The following PSTPIP2 variants were observed in gnomAD, a reference collection of about 807,000 sequenced individuals.
PSTPIP2 encodes the protein proline-serine-threonine phosphatase-interacting protein 2.
PSTPIP2 carries 33 observed loss-of-function variants against 63.3 expected under a neutral mutation model. That is an observed-to-expected ratio of 0.52 (90% CI 0.40 to 0.70). The LOEUF (loss-of-function observed/expected upper bound fraction) is 0.70, where lower values mean the gene tolerates loss of function less well. Among genes scored for constraint, PSTPIP2 ranks in the 30% least tolerant of loss-of-function variants. The pLI, the probability that PSTPIP2 is intolerant of heterozygous loss-of-function variation, is 0.00. For missense variants in PSTPIP2, 312 were observed against 400.7 expected (o/e 0.78, Z 1.89); for synonymous variants, 125 against 132.7 (o/e 0.94, Z 0.40).
intron 1 of PSTPIP2, among the ~76,000 whole-genome samples, chr18:46,070,622 T>C (rs951813151): frequency 6.6e-6 from 1 of 152,204 alleles, no homozygotes; most frequent in African/African-American, 2.4e-5. Context: ...CAAGCAATCC[T>C]CTTGCCTCAG....
chr18:46,039,097 C>G (rs1300915556), intron 2 of PSTPIP2, among the ~76,000 whole-genome samples: 1 of 152,136 alleles, frequency 6.6e-6, no homozygotes, highest in Non-Finnish European at 1.5e-5. Flanking sequence ...CACTTACTGC[C>G]TTACAAATAG....
At chr18:46,057,502 G>C (rs993537042) in intron 1 of PSTPIP2, among the ~76,000 whole-genome samples, 1 of 151,380 alleles carries the variant, frequency 6.6e-6, no homozygotes, top group Non-Finnish European at 1.5e-5. Context: ...TAATTGTTTT[G>C]TATTTTTAGT....
chr18:46,026,613 T>C (rs150135175), intron 2 of PSTPIP2, among the ~76,000 whole-genome samples: 1,818 of 152,332 alleles, frequency 0.012, 39 homozygotes, highest in African/African-American at 0.041. Context: ...CAGTGGCTGA[T>C]GCCTGTAATC....
chr18:45,992,031 A>T, intron 11 of PSTPIP2, 48 bp from the exon 12 acceptor site: 1 of 1,594,900 alleles, frequency 6.3e-7, no homozygotes, highest in Non-Finnish European at 8.6e-7. Context: ...GGCGTCTTTC[A>T]TCCTTAATGA....
At chr18:46,058,395 C>T (rs1038414957) in intron 1 of PSTPIP2, among the ~76,000 whole-genome samples, 3 of 151,790 alleles carry the variant, frequency 2.0e-5, no homozygotes, top group East Asian at 1.9e-4. Flanking sequence ...ATCACTCTGT[C>T]GCCCAGGCTG....
chr18:46,070,259 C>T (rs369339701), intron 1 of PSTPIP2, among the ~76,000 whole-genome samples: 9 of 152,196 alleles, frequency 5.9e-5, no homozygotes, highest in African/African-American at 2.2e-4. Flanking sequence ...TGTCACCCAC[C>T]AGACATTAGA....
intron 1 of PSTPIP2, among the ~76,000 whole-genome samples, chr18:46,060,932 C>G (rs1163401405): frequency 1.3e-5 from 2 of 152,110 alleles, no homozygotes; most frequent in Non-Finnish European, 2.9e-5. Context: ...GACAATGACA[C>G]GTATAAAACA....
intron 3 of PSTPIP2, among the ~76,000 whole-genome samples, chr18:46,023,559 C>CAA (rs113666843): frequency 2.6e-5 from 4 of 151,518 alleles, no homozygotes; most frequent in East Asian, 1.9e-4. Context: ...AACTCCTTCT[C>CAA]AAAAAGAAAA....
intron 1 of PSTPIP2, among the ~76,000 whole-genome samples, chr18:46,060,955 T>C (rs1908968817): frequency 6.6e-6 from 1 of 152,084 alleles, no homozygotes; most frequent in African/African-American, 2.4e-5. Flanking sequence ...AGAGATGAAA[T>C]GGTCAGTGGT....
chr18:45,989,817 A>C (rs184801402), intron 13 of PSTPIP2: 2 of 152,422 alleles, frequency 1.3e-5, no homozygotes, highest in East Asian at 3.9e-4. Flanking sequence ...TTGAGCACGT[A>C]GCTTCGGGAG....
chr18:45,995,561 A>C (rs1044516163), intron 9 of PSTPIP2, among the ~76,000 whole-genome samples: 4 of 152,250 alleles, frequency 2.6e-5, no homozygotes, highest in Non-Finnish European at 5.9e-5. Flanking sequence ...GGAGAAGCAT[A>C]ATAACCTACA....
chr18:46,033,652 CAT>C (rs1907861627), intron 2 of PSTPIP2, among the ~76,000 whole-genome samples: 1 of 146,062 alleles, frequency 6.8e-6, no homozygotes. Context: ...GAGCTGAGAT[CAT>C]GCCACTGAAC....
At position 45,999,544 on chromosome 18, in the gene PSTPIP2, T is replaced by C; in HGVS notation, c.418-10A>G. ...CATAGTTCTTCTTTGCCTTTGTCAT[T>C]ATGAACAAAGAGAACCAAAACAAAT... On this transcript the variant is annotated splice_polypyrimidine_tract_variant and intron_variant, in intron 6 of 14. Coordinates refer to ENST00000409746, the MANE Select transcript of PSTPIP2 (RefSeq NM_024430.4). 1.2e-6 allele frequency: 2 copies of C among 1,614,052 alleles called. No individual in the cohort carries two copies. Among genetic ancestry groups the C allele is most frequent in the Middle Eastern group, 1.7e-4 (1 of 6,056 alleles).
chr18:46,019,002 C>T (rs2051882404), intron 3 of PSTPIP2, among the ~76,000 whole-genome samples: 1 of 152,028 alleles, frequency 6.6e-6, no homozygotes, highest in Non-Finnish European at 1.5e-5. Flanking sequence ...CTCCCCCATC[C>T]TCTCCCTTAT....
intron 1 of PSTPIP2, among the ~76,000 whole-genome samples, chr18:46,069,856 C>G (rs1909328393): frequency 6.6e-6 from 1 of 152,116 alleles, no homozygotes; most frequent in African/African-American, 2.4e-5. Context: ...GAGGCATGCA[C>G]TAAGAGTGCT....
intron 2 of PSTPIP2, among the ~76,000 whole-genome samples, chr18:46,027,337 TAAATAAAA>T (rs1389573809): frequency 1.2e-4 from 17 of 146,372 alleles, no homozygotes; most frequent in African/African-American, 4.1e-4. Context: ...AATAAATAAA[TAAATAAAA>T]ATATTAAAAA....
At chr18:45,990,577 G>A (rs557427822) in intron 13 of PSTPIP2, 145 bp downstream of exon 13, 20 of 593,526 alleles carry the variant, frequency 3.4e-5, no homozygotes, top group Middle Eastern at 2.9e-4. Flanking sequence ...TTACAGGCAC[G>A]CACCACCACA....
At chr18:46,009,666 A>G (rs2051774100) in intron 5 of PSTPIP2, among the ~76,000 whole-genome samples, 1 of 151,310 alleles carries the variant, frequency 6.6e-6, no homozygotes, top group East Asian at 1.9e-4. Context: ...GAAACCTTGC[A>G]AAATTAACAA....
intron 1 of PSTPIP2, 192 bp from the exon 2 acceptor site, chr18:46,040,239 G>A (rs1908142868): frequency 2.2e-6 from 1 of 460,258 alleles, no homozygotes. Context: ...ACATGTTTCA[G>A]TTCCTTCAAG....
Sources: gnomAD v4.1 joint callset for allele counts (sites outside exome capture counted in the v4.1 genomes callset) on GRCh38, gnomAD v4.1.1 for gene constraint, MANE v1.5 for transcripts, NCBI Gene and HGNC (gene_info 2026-07-23, HGNC 2026-07-21) for gene names.